MUC17: variants seen among roughly 807,000 people sequenced by gnomAD.
The protein encoded by MUC17 is mucin 17, cell surface associated.
In MUC17, 190 loss-of-function variants were observed where a neutral mutation model predicts 170.3. The ratio of observed to expected loss-of-function variants is 1.12; its 90% confidence interval spans 0.99 to 1.26. The LOEUF is 1.26. MUC17 is among the 50% of genes most tolerant of loss of function. MUC17 has a pLI of 0.00. For missense variants in MUC17, 6,415 were observed against 5,530.0 expected (o/e 1.16, Z -5.08); for synonymous variants, 2,325 against 2,002.5 (o/e 1.16, Z -4.30).
At position 101,042,183 on chromosome 7, in the gene MUC17, C is replaced by A; in HGVS notation, c.10767C>A (p.Thr3589=). ...TGCTCCTCAGCAGCACATATGTGAC[C>A]AGTTCTGAGGCTAGCACACCTTCCA... ...TTMLLSSTYV[T]SSEASTPSTP... Residue 3589 remains threonine, a synonymous_variant, in exon 3 of 13, where the codon ACC becomes ACA. Transcript: ENST00000306151. 2 of 1,614,204 alleles carry A rather than the reference C, an allele frequency of 1.2e-6. No individual in the cohort carries two copies. The highest frequency in any genetic ancestry group is 1.7e-6 in the Non-Finnish European group (2 of 1,180,042).
Position 101,034,387 on chromosome 7 carries a change from A to G in MUC17, c.2971A>G (p.Ser991Gly), listed in dbSNP as rs1241820888. 23 of 1,608,188 alleles carry G rather than the reference A, an allele frequency of 1.4e-5. No individual in the cohort carries two copies. Among genetic ancestry groups the G allele is most frequent in the Non-Finnish European group, 1.8e-5 (21 of 1,177,404 alleles). Residue 991 changes from serine to glycine, a missense_variant, in exon 3 of 13, where the codon AGC (serine) becomes GGC (glycine). Coordinates refer to ENST00000306151, the MANE Select transcript of MUC17 (RefSeq NM_001040105.2). ...GTTPLTSTPV[S>G]HTLVANSEAS... ...GACTCCATTAACAAGCACACCTGTC[A>G]GCCACACGCTGGTGGCCAATTCTGA...
chr7:101,039,769 T>G lies in MUC17; in HGVS notation c.8353T>G (p.Ser2785Ala), dbSNP rs74403802. The G allele has an allele frequency of 0.018, 28,927 of 1,610,010 alleles. 1,998 individuals are homozygous for G. Among genetic ancestry groups the G allele is most frequent in the East Asian group, 0.16 (7,292 of 44,776 alleles). The change falls in exon 3 of 13, where the codon TCT becomes GCT. Residue 2785 changes from serine to alanine, a missense_variant. Physicochemically the swap from Ser to Ala is moderately conservative, Grantham distance 99. Transcript: ENST00000306151. ...AVDTSIPVTT[S>A]TEASSSPTTA... The stretch of plus-strand genomic sequence containing the variant: ...TGACACCAGCATACCTGTCACCACT[T>G]CTACTGAAGCCAGTTCCTCTCCTAC...
Position 101,057,989 on chromosome 7 carries a change from A to G in MUC17, c.13441-14A>G, listed in dbSNP as rs750360704. On this transcript the variant is annotated splice_polypyrimidine_tract_variant and intron_variant, in intron 12 of 12. Transcript: ENST00000306151. ...ATGGGCTGAGCCCTCACTTGGTTTT[A>G]TCTCTCTTTTCAGATCCGAATTCAG... is the stretch of plus-strand genomic sequence containing the variant. The G allele has an allele frequency of 1.9e-6, 3 of 1,613,456 alleles. No homozygotes were observed. Among genetic ancestry groups the G allele is most frequent in the African/African-American group, 1.3e-5 (1 of 75,036 alleles).
Position 101,039,680 on chromosome 7 carries a change from G to A in MUC17, c.8264G>A (p.Ser2755Asn), listed in dbSNP as rs751494787. Residue 2755 changes from serine (S) to asparagine (N), a missense_variant, in exon 3 of 13, where the codon AGT (serine) becomes AAT (asparagine). Ser to Asn is a conservative substitution (Grantham distance 46). Coordinates refer to ENST00000306151, the MANE Select transcript of MUC17 (RefSeq NM_001040105.2). ...TPSDGSTPLT[S>N]ILVSTLPVAS... The stretch of plus-strand genomic sequence containing the variant: ...AGTGATGGAAGTACTCCATTAACAA[G>A]TATACTTGTCAGCACCCTGCCAGTG... 5.0e-6 allele frequency: 8 copies of A among 1,612,362 alleles called. No homozygotes were observed. The highest frequency in any genetic ancestry group is 1.7e-4 in the Middle Eastern group (1 of 6,060).
chr7:101,041,900 C>T lies in MUC17; in HGVS notation c.10484C>T (p.Thr3495Ile), dbSNP rs763598229. The T allele has an allele frequency of 4.3e-6, 7 of 1,613,368 alleles. No homozygotes were observed. The South Asian group carries it at 6.6e-5, about 15-fold the overall frequency. ...ACACCTGTGACCACTTCTTCTCCAACCAATTCATCTCCTACAACTGCTGAA... is the reference window on the plus strand; with the variant it reads ...ACACCTGTGACCACTTCTTCTCCAATCAATTCATCTCCTACAACTGCTGAA... ...TSTPVTTSSP[T>I]NSSPTTAEVT... is the part of the protein sequence containing the mutation. The change falls in exon 3 of 13, where the codon ACC (threonine) becomes ATC (isoleucine). Residue 3495 changes from threonine (T) to isoleucine (I), a missense_variant. Thr to Ile is a moderately conservative substitution (Grantham distance 89, BLOSUM62 -1). Transcript: ENST00000306151.
chr7:101,048,501 T>C (rs1325931356), intron 4 of MUC17, among the ~76,000 whole-genome samples: 3 of 150,082 alleles, frequency 2.0e-5, no homozygotes, highest in Non-Finnish European at 4.4e-5. Context: ...GAGGCTGATG[T>C]GGGAGGATTG....
Position 101,034,202 on chromosome 7 carries a change from T to C in MUC17, c.2786T>C (p.Met929Thr), listed in dbSNP as rs113609563. Reference protein sequence around the residue: ...PGEGSTPLTSMPDSTTPVVSS... With the variant: ...PGEGSTPLTSTPDSTTPVVSS... ...GAAGGAAGCACTCCATTAACAAGTA[T>C]GCCTGACAGCACCACGCCGGTAGTC... is the stretch of plus-strand genomic sequence containing the variant. Residue 929 changes from methionine (M) to threonine (T), a missense_variant, in exon 3 of 13, where the codon ATG becomes ACG. Coordinates refer to ENST00000306151, the MANE Select transcript of MUC17 (RefSeq NM_001040105.2). 526 of 1,596,492 alleles carry C rather than the reference T, an allele frequency of 3.3e-4. No homozygotes were observed. In the African/African-American group the frequency reaches 6.6e-3, roughly 20 times the overall value.
Position 101,042,438 on chromosome 7 carries a change from A to C in MUC17, c.11022A>C (p.Ser3674=), listed in dbSNP as rs1226133039. 1.2e-6 allele frequency: 2 copies of C among 1,613,746 alleles called. No homozygotes were observed. Among genetic ancestry groups the C allele is most frequent in the Admixed American group, 1.7e-5 (1 of 60,004 alleles). The change falls in exon 3 of 13, where the codon TCA becomes TCC. Residue 3674 remains serine (S), a synonymous_variant. Coordinates refer to ENST00000306151, the MANE Select transcript of MUC17 (RefSeq NM_001040105.2). ...TGATCACTTCTACCCAAGTCAGTTC[A>C]TCTCCTGTGACTCCTGAAGGTACCA... is the stretch of plus-strand genomic sequence containing the variant. ...TPVITSTQVS[S]SPVTPEGTTM... is the part of the protein sequence containing the mutation.
intron 1 of MUC17, among the ~76,000 whole-genome samples, chr7:101,024,452 G>A (rs1794146618): frequency 6.6e-6 from 1 of 151,684 alleles, no homozygotes; most frequent in Admixed American, 6.6e-5. Context: ...AAAACGGCAA[G>A]GGAGGAAACA....
chr7:101,049,481 A>G, intron 6 of MUC17, 99 bp downstream of exon 6: 1 of 1,472,864 alleles, frequency 6.8e-7, no homozygotes, highest in Non-Finnish European at 9.1e-7. Context: ...TACTGTGCCC[A>G]GGCAGCTATT....
At position 101,042,547 on chromosome 7, in the gene MUC17, G is replaced by C; in HGVS notation, c.11131G>C (p.Gly3711Arg). 6.2e-7 allele frequency: 1 copy of C among 1,614,010 alleles called. No homozygotes were observed. Among genetic ancestry groups the C allele is most frequent in the Non-Finnish European group, 8.5e-7 (1 of 1,179,988 alleles). ...CACCACACGTGTGACCAGCTCTGAG[G>C]GTAGCACCCTTTCAACACCTTCTGT... The part of the protein sequence containing the change: ...VSTTRVTSSE[G>R]STLSTPSVVT... Residue 3711 changes from glycine (G) to arginine (R), a missense_variant, in exon 3 of 13, where the codon GGT becomes CGT. Coordinates refer to ENST00000306151, the MANE Select transcript of MUC17 (RefSeq NM_001040105.2).
chr7:101,035,379 T>G lies in MUC17; in HGVS notation c.3963T>G (p.Pro1321=). The change falls in exon 3 of 13, where the codon CCT becomes CCG. Residue 1321 remains proline (P), a synonymous_variant. Coordinates refer to ENST00000306151, the MANE Select transcript of MUC17 (RefSeq NM_001040105.2). ...ATGAAGTCAGTTCATCTCCTACACCTGCTGAAGGTACCAGCATGCCAACCT... is the reference window on the plus strand; with the variant it reads ...ATGAAGTCAGTTCATCTCCTACACCGGCTGAAGGTACCAGCATGCCAACCT... ...TSNEVSSSPT[P]AEGTSMPTST... is the part of the protein sequence containing the mutation. 6.2e-7 allele frequency: 1 copy of G among 1,611,102 alleles called. No individual in the cohort carries two copies. Among genetic ancestry groups the G allele is most frequent in the Non-Finnish European group, 8.5e-7 (1 of 1,178,316 alleles).
At position 101,039,037 on chromosome 7, in the gene MUC17, G is replaced by T. The variant is rs1211366983; in HGVS notation, c.7621G>T (p.Asp2541Tyr). The T allele has an allele frequency of 4.3e-6, 7 of 1,613,782 alleles. No homozygotes were observed. Among genetic ancestry groups the T allele is most frequent in the Non-Finnish European group, 5.9e-6 (7 of 1,179,932 alleles). ...EASTLSTTPV[D>Y]SNSPVVTSTE... ...TAGCACCCTTTCAACAACTCCTGTT[G>T]ACTCCAACAGTCCTGTGGTCACTTC... Residue 2541 changes from aspartate to tyrosine, a missense_variant, in exon 3 of 13, where the codon GAC becomes TAC. Transcript: ENST00000306151.
chr7:101,036,765 T>C lies in MUC17; in HGVS notation c.5349T>C (p.Ser1783=), dbSNP rs1168727405. The part of the protein sequence containing the change: ...PIDTSTPVTT[S]TEATSSPTTA... ...ACACCAGCACCCCTGTGACCACTTCTACTGAAGCCACTTCGTCTCCTACAA... is the reference window on the plus strand; with the variant it reads ...ACACCAGCACCCCTGTGACCACTTCCACTGAAGCCACTTCGTCTCCTACAA... Residue 1783 remains serine (S), a synonymous_variant, in exon 3 of 13, where the codon TCT becomes TCC. Transcript: ENST00000306151. The C allele has an allele frequency of 1.2e-6, 2 of 1,612,598 alleles. No homozygotes were observed. The highest frequency in any genetic ancestry group is 8.5e-7 in the Non-Finnish European group (1 of 1,179,556).
At chr7:101,057,886 A>G in intron 12 of MUC17, 117 bp from the exon 13 acceptor site, 1 of 874,930 alleles carries the variant, frequency 1.1e-6, no homozygotes, top group Non-Finnish European at 1.7e-6. Flanking sequence ...TCTCAAAAAA[A>G]TAATAAAAAA....
At chr7:101,054,542 AAGG>A (rs1795014616) in intron 11 of MUC17, among the ~76,000 whole-genome samples, 1 of 152,162 alleles carries the variant, frequency 6.6e-6, no homozygotes, top group South Asian at 2.1e-4. Context: ...GAAAAAGAAA[AAGG>A]AGGTGAGACG....
Position 101,039,790 on chromosome 7 carries a change from CCTA to C in MUC17, c.8376_8378del (p.Thr2794del), listed in dbSNP as rs1246253012. ...CACTTCTACTGAAGCCAGTTCCTCT[CCTA>C]CAACTGCTGAAGTTACCAGCATGCC... On this transcript the variant is annotated inframe_deletion, in exon 3 of 13. Transcript: ENST00000306151. The C allele has an allele frequency of 6.2e-7, 1 of 1,609,098 alleles. No homozygotes were observed.
At position 101,036,830 on chromosome 7, in the gene MUC17, A is replaced by G. The variant is rs1794498807; in HGVS notation, c.5414A>G (p.Glu1805Gly). Residue 1805 changes from glutamate (E) to glycine (G), a missense_variant, in exon 3 of 13, where the codon GAA (glutamate) becomes GGA (glycine). Glu to Gly is a moderately conservative substitution (Grantham distance 98, BLOSUM62 -2). Coordinates refer to ENST00000306151, the MANE Select transcript of MUC17 (RefSeq NM_001040105.2). ...AGCATACCAACCTCGACTCTTAGTG[A>G]AGGAATGACTCCATTAACAAGCACA... Reference protein sequence around the residue: ...GTSIPTSTLSEGMTPLTSTPV... With the variant: ...GTSIPTSTLSGGMTPLTSTPV... 1 of 1,605,620 alleles carries G rather than the reference A, an allele frequency of 6.2e-7. No homozygotes were observed. Among genetic ancestry groups the G allele is most frequent in the African/African-American group, 1.3e-5 (1 of 74,092 alleles).
intron 12 of MUC17, 87 bp downstream of exon 12, chr7:101,056,357 A>C (rs776898332): frequency 1.9e-5 from 30 of 1,554,948 alleles, no homozygotes; most frequent in Non-Finnish European, 2.5e-5. Flanking sequence ...CCTTCAGAAA[A>C]ACAGAACCAT....
Sources: allele counts gnomAD v4.1 joint callset (sites outside exome capture counted in the v4.1 genomes callset), GRCh38; gene constraint gnomAD v4.1.1; transcripts MANE v1.5; gene names NCBI Gene and HGNC (gene_info 2026-07-23, HGNC 2026-07-21).